PPFIA2: variants seen among roughly 807,000 people sequenced by gnomAD.
The protein encoded by PPFIA2 is liprin-alpha-2.
PPFIA2 carries 46 observed loss-of-function variants against 175.5 expected under a neutral mutation model. That is an observed-to-expected ratio of 0.26 (90% CI 0.21 to 0.34). The LOEUF (loss-of-function observed/expected upper bound fraction) is 0.34, where lower values mean the gene tolerates loss of function less well. Ranked by LOEUF, PPFIA2 falls within the 10% of genes least tolerant of loss-of-function variation. PPFIA2 has a pLI of 1.00. For synonymous variants in PPFIA2, 568 were observed against 511.4 expected (o/e 1.11, Z -1.49); for missense variants, 1,179 against 1,506.1 (o/e 0.78, Z 3.60).
At chr12:81,314,277 T>C (rs1026206948) in intron 22 of PPFIA2, among the ~76,000 whole-genome samples, 1 of 151,958 alleles carries the variant, frequency 6.6e-6, no homozygotes, top group Non-Finnish European at 1.5e-5. Flanking sequence ...TTAATTTTTC[T>C]TATTGTAAAT....
rs75423087 is a variant in PPFIA2, at chr12:81,668,474, C to T, written c.303+8317G>A. Among the ~76,000 whole-genome samples, 16 of 152,188 alleles carry T rather than the reference C, an allele frequency of 1.1e-4. No homozygotes were observed. The East Asian group carries it at 3.1e-3, about 29-fold the overall frequency. On this transcript the variant is annotated intron_variant, in intron 4 of 32. Transcript: ENST00000549396. ...GAATGCACATTAATTTATTTCTTCT[C>T]TTACCTTACATCTAACCCATGGAAG...
intron 4 of PPFIA2, among the ~76,000 whole-genome samples, chr12:81,518,393 C>T (rs996285182): frequency 6.6e-6 from 1 of 152,140 alleles, no homozygotes; most frequent in African/African-American, 2.4e-5. Context: ...ATTTCCAATG[C>T]TTTTACTCCC....
intron 7 of PPFIA2, among the ~76,000 whole-genome samples, chr12:81,428,237 C>G (rs1353570744): frequency 1.3e-5 from 2 of 151,774 alleles, no homozygotes; most frequent in Non-Finnish European, 2.9e-5. Flanking sequence ...AAAAAAAAAC[C>G]TTATGCTCTC....
chr12:81,522,514 C>T (rs568746829), intron 4 of PPFIA2, among the ~76,000 whole-genome samples: 1 of 152,228 alleles, frequency 6.6e-6, no homozygotes, highest in African/African-American at 2.4e-5. Context: ...TGTAAGTATA[C>T]AATAGGAAAA....
chr12:81,328,795 CT>C (rs1413591385), intron 21 of PPFIA2, among the ~76,000 whole-genome samples: 2 of 141,976 alleles, frequency 1.4e-5, no homozygotes, highest in Non-Finnish European at 3.1e-5. Flanking sequence ...CAGCTTGTTT[CT>C]TTTTTCTTTT....
intron 4 of PPFIA2, chr12:81,535,533 T>A: frequency 2.2e-6 from 1 of 449,682 alleles, no homozygotes; most frequent in Non-Finnish European, 4.5e-6. Flanking sequence ...AACATCTAAC[T>A]CAATAACACA....
chr12:81,755,726 G>C (rs1200266804), intron 2 of PPFIA2, among the ~76,000 whole-genome samples: 2 of 152,090 alleles, frequency 1.3e-5, no homozygotes, highest in Non-Finnish European at 2.9e-5. Context: ...TGAACATTAG[G>C]AAAGTTTTAA....
chr12:81,316,139 T>C (rs2052301577), intron 22 of PPFIA2, among the ~76,000 whole-genome samples: 1 of 151,526 alleles, frequency 6.6e-6, no homozygotes, highest in Non-Finnish European at 1.5e-5. Context: ...ATGTATGAAG[T>C]CTTTTTGTAT....
chr12:81,713,174 G>A (rs890713050), intron 3 of PPFIA2, among the ~76,000 whole-genome samples: 5 of 149,126 alleles, frequency 3.4e-5, no homozygotes, highest in Non-Finnish European at 7.4e-5. Flanking sequence ...CAGCTTTTTT[G>A]GGGGGGTCTG....
chr12:81,533,004 G>T lies in PPFIA2; in HGVS notation c.304-75138C>A, dbSNP rs537514766. On this transcript the variant is annotated intron_variant, in intron 4 of 32. Coordinates refer to ENST00000549396, the MANE Select transcript of PPFIA2 (RefSeq NM_003625.5). The stretch of plus-strand genomic sequence containing the variant: ...TAGTAATGTGTTTCTTATGTATTTG[G>T]TTTTTGGCCAAAATGCAGCTGACAG... 4.3e-3 allele frequency among the ~76,000 whole-genome samples: 651 copies of T among 151,218 alleles called. 7 individuals carry two copies. Among genetic ancestry groups the T allele is most frequent in the Non-Finnish European group, 7.4e-3 (500 of 67,652 alleles).
intron 21 of PPFIA2, among the ~76,000 whole-genome samples, chr12:81,329,084 G>A (rs1324417325): frequency 1.3e-5 from 2 of 152,136 alleles, no homozygotes; most frequent in African/African-American, 2.4e-5. Context: ...GATTACAGAT[G>A]TGAGCCACCA....
intron 22 of PPFIA2, chr12:81,302,714 A>G (rs1356146345): frequency 2.2e-6 from 1 of 452,874 alleles, no homozygotes; most frequent in Admixed American, 2.4e-5. Context: ...AGAAGTAACA[A>G]TTATTTAAAA....
chr12:81,368,681 G>A (rs1437637160), intron 13 of PPFIA2, 44 bp downstream of exon 13: 1 of 1,563,812 alleles, frequency 6.4e-7, no homozygotes, highest in Non-Finnish European at 8.7e-7. Context: ...ACAAACATGA[G>A]CATTGCAAAA....
chr12:81,482,984 T>C (rs1372395581), intron 4 of PPFIA2, among the ~76,000 whole-genome samples: 1 of 152,166 alleles, frequency 6.6e-6, no homozygotes, highest in East Asian at 1.9e-4. Flanking sequence ...TATACTATGA[T>C]ACATATTATT....
At chr12:81,406,289 A>G (rs1337969079) in intron 7 of PPFIA2, among the ~76,000 whole-genome samples, 2 of 152,154 alleles carry the variant, frequency 1.3e-5, no homozygotes, top group Non-Finnish European at 1.5e-5. Context: ...TTTAAAGTAT[A>G]CAAGAAACAT....
intron 7 of PPFIA2, 90 bp from the exon 8 acceptor site, chr12:81,405,993 A>G: frequency 1.6e-6 from 1 of 640,870 alleles, no homozygotes; most frequent in Non-Finnish European, 2.7e-6. Flanking sequence ...GTTAAGAACT[A>G]ATGAACACTA....
At position 81,424,996 on chromosome 12, in the gene PPFIA2, G is replaced by A. The variant is rs141100026; in HGVS notation, c.645+14976C>T. On this transcript the variant is annotated intron_variant, in intron 7 of 32. Transcript: ENST00000549396. ...TTTAAAAGGAGAGATTAGAAGAAAT[G>A]AATACATCCAAGAAAAGGGAAATGG... 2.0e-5 allele frequency: 3 copies of A among 152,246 alleles called. No homozygotes were observed. The East Asian group carries it at 5.8e-4, about 29-fold the overall frequency. 9.4% of individuals were successfully genotyped at this position (152,246 alleles called of 1,614,324 possible).
At chr12:81,325,464 T>C (rs2054555761) in intron 22 of PPFIA2, among the ~76,000 whole-genome samples, 1 of 152,160 alleles carries the variant, frequency 6.6e-6, no homozygotes, top group South Asian at 2.1e-4. Context: ...AATCTCATTT[T>C]ATCAAACCAA....
intron 4 of PPFIA2, among the ~76,000 whole-genome samples, chr12:81,642,810 T>TTA (rs756093598): frequency 8.1e-5 from 2 of 24,682 alleles, no homozygotes; most frequent in Non-Finnish European, 1.4e-4. Flanking sequence ...TATGTATGTA[T>TTA]TACATACATG....
Sources: gnomAD v4.1 joint callset for allele counts (sites outside exome capture counted in the v4.1 genomes callset) on GRCh38, gnomAD v4.1.1 for gene constraint, MANE v1.5 for transcripts, NCBI Gene and HGNC (gene_info 2026-07-23, HGNC 2026-07-21) for gene names.